Variants in TEX14 observed in about 807,000 individuals in gnomAD.
TEX14 encodes testis expressed 14, intercellular bridge forming factor.
A neutral mutation model predicts 178.6 loss-of-function variants in TEX14; 168 were observed. The ratio of observed to expected loss-of-function variants is 0.94; its 90% CI spans 0.83 to 1.07. TEX14 has a LOEUF of 1.07. Among genes scored for constraint, TEX14 ranks in the 50% least tolerant of loss-of-function variants. The probability of loss-of-function intolerance (pLI) is 0.00; values close to 1 mark genes in which losing one functional copy is unlikely to be tolerated. For synonymous variants in TEX14, 626 were observed against 634.1 expected (o/e 0.99, Z 0.19); for missense variants, 1,730 against 1,753.6 (o/e 0.99, Z 0.24).
intron 1 of TEX14, among the ~76,000 whole-genome samples, chr17:58,668,521 G>A (rs2047250763): frequency 1.3e-5 from 2 of 152,188 alleles, no homozygotes; most frequent in Admixed American, 6.5e-5. Flanking sequence ...TCCCAGCACA[G>A]GGAGAAGAAC....
chr17:58,634,606 C>T (rs780249794), intron 2 of TEX14, among the ~76,000 whole-genome samples: 6 of 152,190 alleles, frequency 3.9e-5, no homozygotes, highest in Admixed American at 6.6e-5. Context: ...ATCTTCAGTG[C>T]CTTGTTCACT....
chr17:58,644,199 TA>T (rs2046642998), intron 2 of TEX14, among the ~76,000 whole-genome samples: 1 of 152,096 alleles, frequency 6.6e-6, no homozygotes, highest in Non-Finnish European at 1.5e-5. Context: ...TAAAAATCCA[TA>T]AATAGGGTTT....
At chr17:58,587,220 T>C (rs185526483) in intron 17 of TEX14, among the ~76,000 whole-genome samples, 29 of 152,342 alleles carry the variant, frequency 1.9e-4, no homozygotes, top group African/African-American at 7.0e-4. Context: ...GGTTTTGTTA[T>C]ACATCGTTTT....
intron 1 of TEX14, among the ~76,000 whole-genome samples, chr17:58,671,764 A>G (rs1032778143): frequency 1.3e-5 from 2 of 152,030 alleles, no homozygotes; most frequent in Non-Finnish European, 2.9e-5. Flanking sequence ...CTATTTTCTC[A>G]CCATTTTACA....
At chr17:58,614,087 A>G (rs929426250) in intron 8 of TEX14, among the ~76,000 whole-genome samples, 1 of 152,232 alleles carries the variant, frequency 6.6e-6, no homozygotes, top group African/African-American at 2.4e-5. Context: ...AACAATGACA[A>G]TGTGGCCAAG....
chr17:58,562,841 T>C (rs754559007), intron 28 of TEX14, among the ~76,000 whole-genome samples: 1 of 150,920 alleles, frequency 6.6e-6, no homozygotes, highest in Non-Finnish European at 1.5e-5. Flanking sequence ...GGAGTCCCAG[T>C]TGGGTGGATC....
intron 2 of TEX14, among the ~76,000 whole-genome samples, chr17:58,650,201 G>C (rs1205279998): frequency 6.6e-6 from 1 of 151,402 alleles, no homozygotes; most frequent in Non-Finnish European, 1.5e-5. Context: ...GGGATTACAG[G>C]CGCCTGCCAC....
At position 58,587,608 on chromosome 17, in the gene TEX14, C is replaced by A. The variant is rs2045008376; in HGVS notation, c.2761G>T (p.Asp921Tyr). 1.9e-6 allele frequency: 3 copies of A among 1,602,758 alleles called. No homozygotes were observed. Among genetic ancestry groups the A allele is most frequent in the Non-Finnish European group, 2.6e-6 (3 of 1,174,116 alleles). The change falls in exon 17 of 32, where the codon GAT becomes TAT. Residue 921 changes from aspartate (D) to tyrosine (Y), a missense_variant. Physicochemically the swap from Asp to Tyr is radical, Grantham distance 160 (BLOSUM62 -3). This residue lies in a region of TEX14 where 941 missense variants were observed against 1,072.4 expected (regional missense o/e 0.88). Coordinates refer to ENST00000349033, the MANE Select transcript of TEX14 (RefSeq NM_031272.5). The stretch of plus-strand genomic sequence containing the variant: ...TTCCATTTTAAGTGTACCTTTCCAT[C>A]ATCTTTATTTCTGGACTCTGCATTA... ...IYNAESRNKD[D>Y]GKVHLKWKME...
rs984732367 is a variant in TEX14, at chr17:58,639,557, G to A, written c.137-9003C>T. ...CTCTACTAAAAATACAAAATTAGCC[G>A]GGCGTGGTGGCACATACCTGTAATC... On this transcript the variant is annotated intron_variant, in intron 2 of 31. Coordinates refer to ENST00000349033, the MANE Select transcript of TEX14 (RefSeq NM_031272.5). Among the ~76,000 whole-genome samples the A allele has an allele frequency of 1.5e-4, 23 of 152,136 alleles. No individual in the cohort carries two copies. The East Asian group carries it at 2.7e-3, about 18-fold the overall frequency.
In TEX14 at chr17:58,625,292, G is replaced by A. The variant is rs190105872; in HGVS notation, c.252-2280C>T. On this transcript the variant is annotated intron_variant, in intron 3 of 31. Transcript: ENST00000349033. ...GAATTACAGGCACCTGCCACCATGCGCTCAGGTAACTTTTGTATTTTTAGT... is the reference window on the plus strand; with the variant it reads ...GAATTACAGGCACCTGCCACCATGCACTCAGGTAACTTTTGTATTTTTAGT... 1.4e-4 allele frequency among the ~76,000 whole-genome samples: 21 copies of A among 151,914 alleles called. No homozygotes were observed. In the East Asian group the frequency reaches 3.3e-3, roughly 24 times the overall value.
intron 21 of TEX14, among the ~76,000 whole-genome samples, chr17:58,574,675 CAAAAAAA>C (rs1177255314): frequency 6.8e-5 from 3 of 43,884 alleles, no homozygotes; most frequent in Admixed American, 3.8e-4. Context: ...ACTCCATCTC[CAAAAAAA>C]AAAAAAAAAA....
chr17:58,594,084 C>T (rs546806771), intron 14 of TEX14, among the ~76,000 whole-genome samples: 12 of 152,072 alleles, frequency 7.9e-5, no homozygotes, highest in East Asian at 1.9e-4. Flanking sequence ...CCACCCACCT[C>T]GGCCTCCCAA....
intron 5 of TEX14, among the ~76,000 whole-genome samples, chr17:58,620,872 T>G (rs1045503662): frequency 3.3e-5 from 5 of 152,104 alleles, no homozygotes; most frequent in African/African-American, 1.2e-4. Context: ...GCACAGCCGT[T>G]AGGAGTTAAC....
chr17:58,577,933 T>C (rs2044719071), intron 20 of TEX14, among the ~76,000 whole-genome samples: 1 of 152,204 alleles, frequency 6.6e-6, no homozygotes, highest in South Asian at 2.1e-4. Flanking sequence ...GAGGAGCTAA[T>C]TCAACTGTCT....
chr17:58,595,079 A>G (rs1206720350), intron 14 of TEX14, among the ~76,000 whole-genome samples: 2 of 152,188 alleles, frequency 1.3e-5, no homozygotes, highest in Non-Finnish European at 2.9e-5. Context: ...TCACCATAAC[A>G]GGTGTTCAGA....
Position 58,657,502 on chromosome 17 carries a change from C to CTT in TEX14, c.-1-5502_-1-5501dup, listed in dbSNP as rs35359604. ...TTTTGTCTGGGCAATACGGGAAATG[C>CTT]TTTTTTTTTTTTTTTTTTTTTTTTT... On this transcript the variant is annotated intron_variant, in intron 1 of 31. Coordinates refer to ENST00000349033, the MANE Select transcript of TEX14 (RefSeq NM_031272.5). 3.6e-3 allele frequency among the ~76,000 whole-genome samples: 187 copies of CTT among 51,376 alleles called. 46 individuals are homozygous for CTT. The highest frequency in any genetic ancestry group is 8.3e-3 in the African/African-American group (99 of 11,954). The allele number at this position is 51,376 out of a possible 152,430, so 33.7% of individuals were successfully genotyped here.
chr17:58,632,959 C>T (rs1017935091), intron 2 of TEX14, among the ~76,000 whole-genome samples: 2 of 152,140 alleles, frequency 1.3e-5, no homozygotes, highest in African/African-American at 2.4e-5. Context: ...CGCTGTTCTT[C>T]GTGCCTCTAA....
chr17:58,601,330 G>C (rs1452607647), intron 13 of TEX14, among the ~76,000 whole-genome samples: 1 of 152,068 alleles, frequency 6.6e-6, no homozygotes, highest in Non-Finnish European at 1.5e-5. Context: ...AGACCATCCT[G>C]GCCAACATGG....
chr17:58,640,366 CAT>C (rs919320711), intron 2 of TEX14, among the ~76,000 whole-genome samples: 16 of 151,706 alleles, frequency 1.1e-4, no homozygotes, highest in Admixed American at 2.6e-4. Flanking sequence ...CCCAGCGTCA[CAT>C]GAGATAAGTA....
Sources: gnomAD v4.1 joint callset for allele counts (sites outside exome capture counted in the v4.1 genomes callset) on GRCh38, gnomAD v4.1.1 for gene constraint, gnomAD v4.1.1 regional missense constraint, MANE v1.5 for transcripts, NCBI Gene and HGNC (gene_info 2026-07-23, HGNC 2026-07-21) for gene names.